Variants in RPS15 observed in about 807,000 individuals in gnomAD.
RPS15 encodes ribosomal protein S15, also known as small ribosomal subunit protein uS19.
RPS15 carries 5 observed loss-of-function variants against 14.9 expected under a neutral mutation model. The ratio of observed to expected loss-of-function variants is 0.34; its 90% CI spans 0.18 to 0.70. RPS15 has a LOEUF of 0.70. RPS15 is among the 30% of genes least tolerant of loss of function. RPS15 has a pLI of 0.65. For missense variants in RPS15, 102 were observed against 204.2 expected (o/e 0.50, Z 3.05); for synonymous variants, 103 against 85.0 (o/e 1.21, Z -1.16).
Position 1,438,529 on chromosome 19 carries a change from G to A in RPS15, c.3+101G>A. On this transcript the variant is annotated intron_variant, in intron 1 of 3. Transcript: ENST00000592588. This position sits in a 1 kb window ranked among gnomAD's most constrained non-coding sequence, Gnocchi z 4.8. ...GCAGTTCGTCCCCGCGGCTACGGCG[G>A]CTTGCTCCCGACCCTGCAGGCGGCT... 2 of 1,600,562 alleles carry A rather than the reference G, an allele frequency of 1.2e-6. No homozygotes were observed. The highest frequency in any genetic ancestry group is 1.7e-6 in the Non-Finnish European group (2 of 1,173,940).
chr19:1,439,777 T>G, intron 2 of RPS15: 34 of 611,676 alleles, frequency 5.6e-5, no homozygotes, highest in East Asian at 5.5e-5. Flanking sequence ...TCCGGGCCGC[T>G]TGTTCTCTCT....
At chr19:1,439,736 A>G (rs1320068598) in intron 2 of RPS15, 4 of 601,202 alleles carry the variant, frequency 6.7e-6, no homozygotes, top group African/African-American at 3.7e-5. Flanking sequence ...CCCGAGCTGT[A>G]CGCTGCAGCA....
rs767071053 is a variant in RPS15, at chr19:1,438,614, CTGTCCGGGCCTTCA to C, written c.4-184_4-171del. ...CGGGACGACGCGGGGCTGGGAAGGCCTGTCCGGGCCTTCATGTCCGGGTCCTCGTAACCCGGAGC... is the reference window on the plus strand; with the variant it reads ...CGGGACGACGCGGGGCTGGGAAGGCCTGTCCGGGTCCTCGTAACCCGGAGC... On this transcript the variant is annotated intron_variant, in intron 1 of 3. Transcript: ENST00000592588. This position sits in a 1 kb window ranked among gnomAD's most constrained non-coding sequence, Gnocchi z 4.8. 306 of 1,535,532 alleles carry C rather than the reference CTGTCCGGGCCTTCA, an allele frequency of 2.0e-4. No homozygotes were observed. The highest frequency in any genetic ancestry group is 2.6e-4 in the Non-Finnish European group (295 of 1,137,716).
chr19:1,440,116 G>A lies in RPS15; in HGVS notation c.187G>A (p.Ala63Thr), dbSNP rs1378310231. Residue 63 changes from alanine to threonine, a missense_variant, in exon 3 of 4, where the codon GCC becomes ACC. Ala to Thr is a moderately conservative substitution (Grantham distance 58). Transcript: ENST00000592588. Reference protein sequence around the residue: ...QHSLLKRLRKAKKEAPPMEKP... With the variant: ...QHSLLKRLRKTKKEAPPMEKP... Reference sequence around the variant, plus strand: ...CTCCCTGCTGAAGCGCCTGCGCAAGGCCAAGAAGGAGGCGCCGCCCATGGA... The same window carrying A: ...CTCCCTGCTGAAGCGCCTGCGCAAGACCAAGAAGGAGGCGCCGCCCATGGA... The A allele has an allele frequency of 6.2e-7, 1 of 1,602,668 alleles. No homozygotes were observed. The highest frequency in any genetic ancestry group is 1.1e-5 in the South Asian group (1 of 88,870).
chr19:1,438,641 C>T lies in RPS15; in HGVS notation c.4-166C>T. 1 of 1,530,368 alleles carries T rather than the reference C, an allele frequency of 6.5e-7. No individual in the cohort carries two copies. The highest frequency in any genetic ancestry group is 8.8e-7 in the Non-Finnish European group (1 of 1,133,630). The allele number at this position is 1,530,368 out of a possible 1,614,324, so 94.8% of individuals were successfully genotyped here. ...GTCCGGGCCTTCATGTCCGGGTCCT[C>T]GTAACCCGGAGCCGCGAGTGATCCC... On this transcript the variant is annotated intron_variant, in intron 1 of 3. Coordinates refer to ENST00000592588, the MANE Select transcript of RPS15 (RefSeq NM_001018.5). The surrounding 1 kb of genome is among the most constrained non-coding windows in gnomAD (Gnocchi z 4.8).
intron 2 of RPS15, chr19:1,439,658 G>A (rs2083637283): frequency 3.6e-6 from 2 of 555,800 alleles, no homozygotes; most frequent in African/African-American, 1.9e-5. Flanking sequence ...ACCTCCCGAA[G>A]TGCTGGGATC....
Position 1,438,970 on chromosome 19 carries a change from G to C in RPS15, c.89+78G>C, listed in dbSNP as rs2144988321. ...GTCCGGGTGAGGGCGGCGGGGCGGG[G>C]GTCCAAGCGCCTCTGCGGCGGTGGG... On this transcript the variant is annotated intron_variant, in intron 2 of 3. Transcript: ENST00000592588. This position sits in a 1 kb window ranked among gnomAD's most constrained non-coding sequence, Gnocchi z 4.8. 2 of 1,284,646 alleles carry C rather than the reference G, an allele frequency of 1.6e-6. No individual in the cohort carries two copies. Among genetic ancestry groups the C allele is most frequent in the South Asian group, 1.3e-5 (1 of 76,256 alleles). The allele number at this position is 1,284,646 out of a possible 1,614,324, so 79.6% of individuals were successfully genotyped here.
Position 1,440,092 on chromosome 19 carries a change from T to G in RPS15, c.163T>G (p.Ser55Ala). 1 of 1,584,244 alleles carries G rather than the reference T, an allele frequency of 6.3e-7. No homozygotes were observed. Among genetic ancestry groups the G allele is most frequent in the South Asian group, 1.2e-5 (1 of 86,834 alleles). The change falls in exon 3 of 4, where the codon TCC becomes GCC. Residue 55 changes from serine (S) to alanine (A), a missense_variant. Physicochemically the swap from Ser to Ala is moderately conservative, Grantham distance 99 (BLOSUM62 1). Around this residue, in one of 2 missense-constraint regions of RPS15, gnomAD observed 70 missense variants for 96.8 expected, o/e 0.72. Coordinates refer to ENST00000592588, the MANE Select transcript of RPS15 (RefSeq NM_001018.5). ...LNRGLRRKQH[S>A]LLKRLRKAKK... ...CCGGGGCCTGCGGCGGAAGCAGCAC[T>G]CCCTGCTGAAGCGCCTGCGCAAGGC...
Position 1,440,106 on chromosome 19 carries a change from C to G in RPS15, c.177C>G (p.Arg59=), listed in dbSNP as rs1357265826. ...LRRKQHSLLK[R]LRKAKKEAPP... ...GGAAGCAGCACTCCCTGCTGAAGCG[C>G]CTGCGCAAGGCCAAGAAGGAGGCGC... The change falls in exon 3 of 4, where the codon CGC becomes CGG. Residue 59 remains arginine (R), a synonymous_variant. Coordinates refer to ENST00000592588, the MANE Select transcript of RPS15 (RefSeq NM_001018.5). 1 of 1,595,208 alleles carries G rather than the reference C, an allele frequency of 6.3e-7. No individual in the cohort carries two copies. The highest frequency in any genetic ancestry group is 8.5e-7 in the Non-Finnish European group (1 of 1,172,646).
At position 1,440,271 on chromosome 19, in the gene RPS15, T is replaced by G; in HGVS notation, c.324+18T>G. ...AGATCAAGGTGTGTGCGGCCGTCCC[T>G]GCCGGCTGGGGTGGGCTGGGGTCGC... On this transcript the variant is annotated intron_variant, in intron 3 of 3. Coordinates refer to ENST00000592588, the MANE Select transcript of RPS15 (RefSeq NM_001018.5). 6.2e-7 allele frequency: 1 copy of G among 1,611,086 alleles called. No homozygotes were observed.
At chr19:1,439,140 C>G in intron 2 of RPS15, 1 of 507,466 alleles carries the variant, frequency 2.0e-6, no homozygotes, top group Middle Eastern at 5.3e-4. Context: ...TAGCCCCTGT[C>G]TGTAGCCCAC....
At chr19:1,439,980 C>A (rs1212325909) in intron 2 of RPS15, 39 bp from the exon 3 acceptor site, 2 of 1,506,258 alleles carry the variant, frequency 1.3e-6, no homozygotes, top group East Asian at 4.9e-5. Flanking sequence ...TCTCCCCAGG[C>A]CGGGCCGCTC....
At chr19:1,439,148 C>T in intron 2 of RPS15, 1 of 497,160 alleles carries the variant, frequency 2.0e-6, no homozygotes, top group Non-Finnish European at 3.5e-6. Flanking sequence ...GTCTGTAGCC[C>T]ACGTGACTTA....
Position 1,438,571 on chromosome 19 carries a change from G to A in RPS15, c.3+143G>A, listed in dbSNP as rs1194824941. 17 of 1,562,450 alleles carry A rather than the reference G, an allele frequency of 1.1e-5. No homozygotes were observed. The highest frequency in any genetic ancestry group is 1.4e-5 in the African/African-American group (1 of 73,460). ...CAGGCGGCTGGATGTTGGGGCGAGG[G>A]GCGGACTTGGTGGGTGTCGGGACGA... On this transcript the variant is annotated intron_variant, in intron 1 of 3. Transcript: ENST00000592588. The surrounding 1 kb of genome is among the most constrained non-coding windows in gnomAD (Gnocchi z 4.8).
chr19:1,438,900 CGGCCGCGGG>C lies in RPS15; in HGVS notation c.89+11_89+19del. On this transcript the variant is annotated intron_variant, in intron 2 of 3. Transcript: ENST00000592588. The surrounding 1 kb of genome is among the most constrained non-coding windows in gnomAD (Gnocchi z 4.8). The stretch of plus-strand genomic sequence containing the variant: ...GCTGCTGGACATGTCCTAGTAAGGG[CGGCCGCGGG>C]GGTCGCGGGCAGGGGCTGGGCCAGC... 12 of 1,555,526 alleles carry C rather than the reference CGGCCGCGGG, an allele frequency of 7.7e-6. No individual in the cohort carries two copies. Among genetic ancestry groups the C allele is most frequent in the Non-Finnish European group, 7.8e-6 (9 of 1,149,696 alleles).
rs759493098 is a variant in RPS15 at position 1,438,406 on chromosome 19, T to C, written c.-20T>C. ...TGCGCAGGCGCGGACCAAAGCGATC[T>C]CTTCTGAGGATCCGGCAAGATGGTG... On this transcript the variant is annotated 5_prime_UTR_variant, in exon 1 of 4. Coordinates refer to ENST00000592588, the MANE Select transcript of RPS15 (RefSeq NM_001018.5). The surrounding 1 kb of genome is among the most constrained non-coding windows in gnomAD (Gnocchi z 4.8). 6.2e-7 allele frequency: 1 copy of C among 1,613,414 alleles called. No individual in the cohort carries two copies. The highest frequency in any genetic ancestry group is 1.3e-5 in the African/African-American group (1 of 75,056).
intron 2 of RPS15, chr19:1,439,792 C>A: frequency 9.7e-6 from 6 of 618,038 alleles, no homozygotes; most frequent in Non-Finnish European, 8.7e-6. Flanking sequence ...CTCTCTGAAT[C>A]TCTGCAGTCA....
At position 1,440,400 on chromosome 19, in the gene RPS15, G is replaced by A. The variant is rs1237687989; in HGVS notation, c.376G>A (p.Val126Ile). ...LGEFSITYKP[V>I]KHGRPGIGAT... is the part of the protein sequence containing the mutation. ...CGAGTTCTCCATCACCTACAAGCCCGTAAAGCATGGCCGGCCCGGCATCGG... is the reference window on the plus strand; with the variant it reads ...CGAGTTCTCCATCACCTACAAGCCCATAAAGCATGGCCGGCCCGGCATCGG... Residue 126 changes from valine to isoleucine, a missense_variant, in exon 4 of 4, where the codon GTA (valine) becomes ATA (isoleucine). Val to Ile is a conservative substitution (Grantham distance 29). Coordinates refer to ENST00000592588, the MANE Select transcript of RPS15 (RefSeq NM_001018.5). 1 of 1,614,002 alleles carries A rather than the reference G, an allele frequency of 6.2e-7. No individual in the cohort carries two copies. Among genetic ancestry groups the A allele is most frequent in the Non-Finnish European group, 8.5e-7 (1 of 1,179,892 alleles).
At position 1,438,739 on chromosome 19, in the gene RPS15, C is replaced by T. The variant is rs978929237; in HGVS notation, c.4-68C>T. The T allele has an allele frequency of 7.3e-5, 113 of 1,544,280 alleles. No individual in the cohort carries two copies. The highest frequency in any genetic ancestry group is 1.5e-4 in the African/African-American group (11 of 72,916). ...CGGCGCCGCGCGTCTTCCGCGGTGT[C>T]CTCGGGCCCGGTGGCCCCGGGAGAT... On this transcript the variant is annotated intron_variant, in intron 1 of 3. Transcript: ENST00000592588. This position sits in a 1 kb window ranked among gnomAD's most constrained non-coding sequence, Gnocchi z 4.8.
Sources: allele counts gnomAD v4.1 joint callset, GRCh38; gene constraint gnomAD v4.1.1; regional missense constraint gnomAD v4.1.1; non-coding constraint Gnocchi (gnomAD v3.1); transcripts MANE v1.5; gene names NCBI Gene and HGNC (gene_info 2026-07-23, HGNC 2026-07-21).